Variants in CDH13 observed in about 807,000 individuals in gnomAD.
CDH13 encodes cadherin 13.
A neutral mutation model predicts 63.8 loss-of-function variants in CDH13; 24 were observed. The observed-to-expected ratio is 0.38, with a 90% CI of 0.27 to 0.53. The LOEUF (loss-of-function observed/expected upper bound fraction) is 0.53. Among genes scored for constraint, CDH13 ranks in the 20% least tolerant of loss-of-function variants. CDH13 has a pLI of 0.85. For missense variants in CDH13, 1,049 were observed against 903.1 expected, an observed-to-expected ratio of 1.16 and a Z score of -2.07; for synonymous variants, 503 against 355.3, an observed-to-expected ratio of 1.42 and a Z score of -4.67.
At chr16:83,112,162 G>A (rs1000158865) in intron 3 of CDH13, among the ~76,000 whole-genome samples, 7 of 152,152 alleles carry the variant, frequency 4.6e-5, no homozygotes, top group African/African-American at 1.7e-4. Flanking sequence ...CTTTGTGTCT[G>A]CATTAATTAA....
intron 1 of CDH13, among the ~76,000 whole-genome samples, chr16:82,680,916 C>T (rs1335920270): frequency 1.3e-5 from 2 of 152,178 alleles, no homozygotes; most frequent in Admixed American, 6.5e-5. Flanking sequence ...CTCACTTGCT[C>T]AGTAGCTCCC....
chr16:83,652,155 C>G (rs533728810), intron 8 of CDH13, among the ~76,000 whole-genome samples: 1 of 152,268 alleles, frequency 6.6e-6, no homozygotes, highest in South Asian at 2.1e-4. Context: ...CCCAAGGGGT[C>G]TATTTGAAAT....
intron 6 of CDH13, among the ~76,000 whole-genome samples, chr16:83,414,289 C>G (rs753274787): frequency 1.1e-4 from 16 of 152,090 alleles, no homozygotes; most frequent in Non-Finnish European, 1.9e-4. Flanking sequence ...AATTCATATA[C>G]TGTATAATTC....
chr16:83,648,763 C>G (rs1241209551), intron 8 of CDH13, among the ~76,000 whole-genome samples: 2 of 152,036 alleles, frequency 1.3e-5, no homozygotes, highest in Non-Finnish European at 2.9e-5. Context: ...TCTCTCTCTC[C>G]CTCTCCCCAT....
intron 2 of CDH13, among the ~76,000 whole-genome samples, chr16:83,013,908 G>A (rs1293520153): frequency 1.3e-5 from 2 of 152,136 alleles, no homozygotes; most frequent in African/African-American, 4.8e-5. Context: ...TGGAAATTGG[G>A]ACTCTGGTAA....
At chr16:83,177,472 GC>G (rs1425666545) in intron 4 of CDH13, among the ~76,000 whole-genome samples, 2 of 152,172 alleles carry the variant, frequency 1.3e-5, no homozygotes, top group Non-Finnish European at 2.9e-5. Context: ...ATATCCGCAA[GC>G]CAAGCTACTC....
intron 2 of CDH13, among the ~76,000 whole-genome samples, chr16:83,012,360 G>C (rs1359062640): frequency 3.7e-5 from 5 of 135,096 alleles, no homozygotes; most frequent in Non-Finnish European, 6.2e-5. Context: ...CAAAGAAATA[G>C]TGCTTTGCTT....
intron 1 of CDH13, among the ~76,000 whole-genome samples, chr16:82,633,486 T>G (rs1908277998): frequency 1.3e-5 from 2 of 152,198 alleles, no homozygotes; most frequent in Admixed American, 6.5e-5. Context: ...TTTAAGCAAT[T>G]CTGTGCCTCA....
intron 3 of CDH13, among the ~76,000 whole-genome samples, chr16:83,101,361 A>G (rs546346849): frequency 1.3e-5 from 2 of 150,406 alleles, no homozygotes; most frequent in Non-Finnish European, 3.0e-5. Flanking sequence ...ATAGAACACC[A>G]TATATATGCT....
chr16:82,647,910 C>G (rs925296923), intron 1 of CDH13, among the ~76,000 whole-genome samples: 2 of 152,188 alleles, frequency 1.3e-5, no homozygotes, highest in East Asian at 1.9e-4. Flanking sequence ...TGGGAGGGAC[C>G]CTGTCGGGGG....
At position 83,053,486 on chromosome 16, in the gene CDH13, G is replaced by A. The variant is rs143638259; in HGVS notation, c.366+21268G>A. 2.9e-3 allele frequency among the ~76,000 whole-genome samples: 436 copies of A among 152,240 alleles called. 4 individuals carry two copies. The highest frequency in any genetic ancestry group is 9.8e-3 in the African/African-American group (407 of 41,540). On this transcript the variant is annotated intron_variant, in intron 3 of 13. Coordinates refer to ENST00000567109, the MANE Select transcript of CDH13 (RefSeq NM_001257.5). The stretch of plus-strand genomic sequence containing the variant: ...CAAGGTAAAGTGAAGTATAGGAGAA[G>A]CACATGAGAACCCAGGAGCATAAAT...
rs549364807 is a variant in CDH13, at chr16:83,005,965, A to G, written c.158-26045A>G. ...TGGTTGGTTTTGTTCACTTGTTTTT[A>G]ATGTTGCAAAAGTCCTTCATATGTC... On this transcript the variant is annotated intron_variant, in intron 2 of 13. Transcript: ENST00000567109. Among the ~76,000 whole-genome samples, 278 of 152,306 alleles carry G rather than the reference A, an allele frequency of 1.8e-3. 2 individuals are homozygous for G. The highest frequency in any genetic ancestry group is 0.017 in the Middle Eastern group (5 of 294).
chr16:83,215,144 C>G (rs1016770877), intron 4 of CDH13, among the ~76,000 whole-genome samples: 3 of 115,168 alleles, frequency 2.6e-5, no homozygotes, highest in African/African-American at 9.8e-5. Context: ...TGGAGCAATC[C>G]CAGCTCACTG....
In CDH13 at chr16:82,678,841, A is replaced by G. The variant is rs1450171534; in HGVS notation, c.45+51704A>G. Among the ~76,000 whole-genome samples, 9 of 152,332 alleles carry G rather than the reference A, an allele frequency of 5.9e-5. No individual in the cohort carries two copies. In the South Asian group the frequency reaches 1.2e-3, roughly 21 times the overall value. On this transcript the variant is annotated intron_variant, in intron 1 of 13. Transcript: ENST00000567109. ...GCCCAGTACTCACAGCAAAATATTT[A>G]TAAAAGAAAACAACTCTTTCATCAT...
chr16:83,765,517 T>C (rs1395484441), intron 11 of CDH13, among the ~76,000 whole-genome samples: 1 of 150,616 alleles, frequency 6.6e-6, no homozygotes. Context: ...GACTTTTTGT[T>C]GGCTTACTAT....
At chr16:82,790,525 C>T in intron 1 of CDH13, among the ~76,000 whole-genome samples, 1 of 152,036 alleles carries the variant, frequency 6.6e-6, no homozygotes, top group Non-Finnish European at 1.5e-5. Context: ...AATAGACATA[C>T]AAAAAAATTA....
intron 2 of CDH13, among the ~76,000 whole-genome samples, chr16:82,877,495 G>A (rs1254472729): frequency 6.6e-6 from 1 of 152,174 alleles, no homozygotes. Flanking sequence ...TCAGGACATG[G>A]TAGTTCACAT....
At chr16:83,164,196 T>C (rs1461353635) in intron 4 of CDH13, among the ~76,000 whole-genome samples, 1 of 152,030 alleles carries the variant, frequency 6.6e-6, no homozygotes, top group East Asian at 1.9e-4. Flanking sequence ...TTATCATAGG[T>C]AATCCTCTGT....
At chr16:83,064,324 G>C (rs142552986) in intron 3 of CDH13, among the ~76,000 whole-genome samples, 3 of 151,566 alleles carry the variant, frequency 2.0e-5, no homozygotes, top group African/African-American at 7.3e-5. Flanking sequence ...AGCTGAGATG[G>C]TGCCATTGCA....
Sources: allele counts gnomAD v4.1 joint callset (sites outside exome capture counted in the v4.1 genomes callset), GRCh38; gene constraint gnomAD v4.1.1; transcripts MANE v1.5; gene names NCBI Gene and HGNC (gene_info 2026-07-23, HGNC 2026-07-21).